CSMD1: variants seen among roughly 807,000 people sequenced by gnomAD.
The protein encoded by CSMD1 is CUB and Sushi multiple domains 1, also known as CUB and sushi domain-containing protein 1.
Under a neutral mutation model 417.5 loss-of-function variants are expected in CSMD1, and 213 were observed. The ratio of observed to expected loss-of-function variants is 0.51; its 90% CI spans 0.46 to 0.57. The LOEUF (loss-of-function observed/expected upper bound fraction) is 0.57. Ranked by LOEUF, CSMD1 falls within the 20% of genes least tolerant of loss-of-function variation. CSMD1 has a pLI of 0.00. For missense variants in CSMD1, 6,923 were observed against 4,529.7 expected (o/e 1.53, Z -15.17); for synonymous variants, 2,862 against 1,736.8 (o/e 1.65, Z -16.11).
intron 9 of CSMD1, among the ~76,000 whole-genome samples, chr8:3,582,983 G>C (rs1200411756): frequency 6.6e-6 from 1 of 152,156 alleles, no homozygotes; most frequent in African/African-American, 2.4e-5. Flanking sequence ...AAGTTAAGGA[G>C]ATTATTTTGT....
chr8:4,592,125 C>G (rs2724982), intron 2 of CSMD1, among the ~76,000 whole-genome samples: 81,036 of 151,504 alleles, frequency 0.53, 22,937 homozygotes, highest in African/African-American at 0.73. Context: ...GCTGGCATAA[C>G]GGATTCCTGA....
chr8:3,821,848 G>C (rs1222689162), intron 5 of CSMD1, among the ~76,000 whole-genome samples: 2 of 152,092 alleles, frequency 1.3e-5, no homozygotes, highest in African/African-American at 4.8e-5. Flanking sequence ...GTTAGTCATG[G>C]CAAGGAATAT....
chr8:3,397,693 T>C (rs79455000), intron 16 of CSMD1, among the ~76,000 whole-genome samples: 10,017 of 152,290 alleles, frequency 0.066, 405 homozygotes, highest in East Asian at 0.16. Flanking sequence ...TTTGACATAG[T>C]CATGCTGAAG....
intron 3 of CSMD1, among the ~76,000 whole-genome samples, chr8:4,287,517 C>G (rs1451664479): frequency 1.3e-5 from 2 of 152,108 alleles, no homozygotes; most frequent in Non-Finnish European, 2.9e-5. Flanking sequence ...TTACACCACA[C>G]ATGTTGCAGC....
At chr8:4,009,815 G>C (rs891973434) in intron 4 of CSMD1, among the ~76,000 whole-genome samples, 1 of 152,032 alleles carries the variant, frequency 6.6e-6, no homozygotes, top group African/African-American at 2.4e-5. Flanking sequence ...CCTCCCTCCT[G>C]TTCTCAGAGA....
chr8:4,444,833 A>C (rs777332300), intron 2 of CSMD1, among the ~76,000 whole-genome samples: 1 of 152,240 alleles, frequency 6.6e-6, no homozygotes, highest in African/African-American at 2.4e-5. Flanking sequence ...ACAAGCCTTC[A>C]GGTGCAAATG....
intron 26 of CSMD1, among the ~76,000 whole-genome samples, chr8:3,252,847 C>T (rs181952927): frequency 1.1e-4 from 16 of 152,246 alleles, no homozygotes; most frequent in African/African-American, 3.4e-4. Context: ...AGTTTATTTG[C>T]ATAGAGGTGT....
chr8:4,947,543 G>A (rs1808451785), intron 1 of CSMD1, among the ~76,000 whole-genome samples: 1 of 152,066 alleles, frequency 6.6e-6, no homozygotes, highest in Admixed American at 6.6e-5. Context: ...AAGGTGGCAT[G>A]ATAATTCTCT....
chr8:2,940,862 T>C (rs1317957547), intron 69 of CSMD1, among the ~76,000 whole-genome samples: 1 of 152,116 alleles, frequency 6.6e-6, no homozygotes, highest in East Asian at 1.9e-4. Flanking sequence ...AAAGCAAAAA[T>C]AAATTTGTAG....
intron 5 of CSMD1, among the ~76,000 whole-genome samples, chr8:3,820,850 C>T (rs4379465): frequency 5.9e-5 from 9 of 151,862 alleles, no homozygotes; most frequent in African/African-American, 1.9e-4. Flanking sequence ...TCCCAAAGTG[C>T]TGGGATTATA....
intron 1 of CSMD1, among the ~76,000 whole-genome samples, chr8:4,944,761 A>G (rs1043872320): frequency 6.6e-6 from 1 of 152,200 alleles, no homozygotes; most frequent in East Asian, 1.9e-4. Flanking sequence ...ACTGTTGGCG[A>G]GGATGTAAAG....
At chr8:4,308,097 G>T (rs1798348183) in intron 3 of CSMD1, among the ~76,000 whole-genome samples, 1 of 152,300 alleles carries the variant, frequency 6.6e-6, no homozygotes, top group Admixed American at 6.5e-5. Context: ...AACAGTGGCA[G>T]AAGTGGAGAG....
intron 2 of CSMD1, among the ~76,000 whole-genome samples, chr8:4,630,234 C>T (rs1802429095): frequency 6.6e-6 from 1 of 150,976 alleles, no homozygotes. Flanking sequence ...GTCATTTTAT[C>T]CTTTTTCTTA....
chr8:3,662,469 TG>T (rs1798469401), intron 7 of CSMD1, among the ~76,000 whole-genome samples: 1 of 152,222 alleles, frequency 6.6e-6, no homozygotes, highest in South Asian at 2.1e-4. Context: ...TTCCAAGTCT[TG>T]GTTATTGTAA....
chr8:4,255,913 T>C (rs1435729791), intron 3 of CSMD1, among the ~76,000 whole-genome samples: 1 of 152,220 alleles, frequency 6.6e-6, no homozygotes, highest in Non-Finnish European at 1.5e-5. Context: ...AGAGGTAGCC[T>C]TTGTTGTGTT....
chr8:4,014,569 T>A (rs1796432613), intron 4 of CSMD1, among the ~76,000 whole-genome samples: 1 of 152,192 alleles, frequency 6.6e-6, no homozygotes, highest in South Asian at 2.1e-4. Context: ...AGCACCTGGA[T>A]CATCTCATCT....
At chr8:3,685,672 G>C (rs926251528) in intron 7 of CSMD1, among the ~76,000 whole-genome samples, 8 of 152,136 alleles carry the variant, frequency 5.3e-5, no homozygotes, top group Middle Eastern at 3.2e-3. Context: ...TTCTGAGGAA[G>C]GAAGTCAAAG....
At chr8:3,981,500 T>TAAAAAAACAAAA in intron 5 of CSMD1, among the ~76,000 whole-genome samples, 1 of 115,074 alleles carries the variant, frequency 8.7e-6, no homozygotes, top group Non-Finnish European at 1.7e-5. Context: ...TAGAAAAAAG[T>TAAAAAAACAAAA]AAAAAAAAAA....
intron 10 of CSMD1, among the ~76,000 whole-genome samples, chr8:3,494,690 A>G (rs1796293825): frequency 2.9e-5 from 2 of 69,862 alleles, no homozygotes; most frequent in African/African-American, 4.1e-5. Context: ...ATACATGAAT[A>G]TATAAATGAG....
Sources: allele counts gnomAD v4.1 joint callset (sites outside exome capture counted in the v4.1 genomes callset), GRCh38; gene constraint gnomAD v4.1.1; transcripts MANE v1.5; gene names NCBI Gene and HGNC (gene_info 2026-07-23, HGNC 2026-07-21).